MSI2: variants seen among roughly 807,000 people sequenced by gnomAD.
MSI2 encodes musashi RNA binding protein 2, also known as RNA-binding protein Musashi homolog 2.
MSI2 carries 17 observed loss-of-function variants against 45.6 expected under a neutral mutation model. The observed-to-expected ratio is 0.37, with a 90% confidence interval of 0.26 to 0.56. The LOEUF (loss-of-function observed/expected upper bound fraction) is 0.56. Ranked by LOEUF, MSI2 falls within the 20% of genes least tolerant of loss-of-function variation. MSI2 has a pLI of 0.77. For synonymous variants in MSI2, 156 were observed against 158.2 expected, an observed-to-expected ratio of 0.99 and a Z score of 0.11; for missense variants, 293 against 444.2, an observed-to-expected ratio of 0.66 and a Z score of 3.06.
chr17:57,672,188 G>A (rs1013645743), intron 11 of MSI2, among the ~76,000 whole-genome samples: 1 of 152,316 alleles, frequency 6.6e-6, no homozygotes, highest in South Asian at 2.1e-4. Flanking sequence ...GTAATAAAAC[G>A]GGACTTGGGA....
intron 10 of MSI2, among the ~76,000 whole-genome samples, chr17:57,645,569 G>A (rs1370365555): frequency 6.6e-6 from 1 of 151,536 alleles, no homozygotes; most frequent in Non-Finnish European, 1.5e-5. Flanking sequence ...CTGAGCAGCT[G>A]GGATTAAAGG....
the MSI2 span, among the ~76,000 whole-genome samples, chr17:57,699,040 AGAGAGT>A: frequency 1.3e-3 from 40 of 31,368 alleles, 10 homozygotes; most frequent in African/African-American, 0.011. Context: ...AGAGAGAGAG[AGAGAGT>A]GTGTGTGTGT....
At chr17:57,604,539 C>G (rs1906309079) in intron 8 of MSI2, among the ~76,000 whole-genome samples, 1 of 152,048 alleles carries the variant, frequency 6.6e-6, no homozygotes, top group East Asian at 1.9e-4. Context: ...CAGGAGGAAC[C>G]AAGAGATGTG....
chr17:57,676,375 G>A (rs947060642), intron 12 of MSI2, among the ~76,000 whole-genome samples: 1 of 152,236 alleles, frequency 6.6e-6, no homozygotes, highest in Non-Finnish European at 1.5e-5. Flanking sequence ...ACTTAAGTCA[G>A]TAGTCTGATG....
chr17:57,450,298 A>AGAAAGAAAGAAAGAAAGAAAGAAG (rs2084986994), intron 6 of MSI2: 3 of 135,266 alleles, frequency 2.2e-5, no homozygotes. Flanking sequence ...AAAGAAAGAA[A>AGAAAGAAAGAAAGAAAGAAAGAAG]GAAAGAAAGA....
intron 6 of MSI2, among the ~76,000 whole-genome samples, chr17:57,427,278 A>T (rs2084510640): frequency 6.6e-6 from 1 of 152,126 alleles, no homozygotes; most frequent in Non-Finnish European, 1.5e-5. Flanking sequence ...CATGCCTGTA[A>T]TCCCAGCTAC....
At chr17:57,526,406 T>A (rs62058098) in intron 6 of MSI2, among the ~76,000 whole-genome samples, 1 of 120,906 alleles carries the variant, frequency 8.3e-6, no homozygotes, top group Non-Finnish European at 1.7e-5. Flanking sequence ...TGTGTGTGTG[T>A]GTGACAGAGA....
chr17:57,313,726 A>G (rs897285500), intron 5 of MSI2, among the ~76,000 whole-genome samples: 1 of 152,196 alleles, frequency 6.6e-6, no homozygotes, highest in East Asian at 1.9e-4. Flanking sequence ...CATGTTTATC[A>G]ACGCCTTCTG....
intron 6 of MSI2, among the ~76,000 whole-genome samples, chr17:57,502,597 TC>T (rs2086131187): frequency 2.0e-5 from 1 of 50,786 alleles, no homozygotes; most frequent in South Asian, 7.8e-4. Flanking sequence ...AGAAGATGAC[TC>T]TGAGATATAT....
intron 6 of MSI2, among the ~76,000 whole-genome samples, chr17:57,493,764 A>G (rs559113032): frequency 1.3e-5 from 2 of 152,090 alleles, no homozygotes; most frequent in East Asian, 3.9e-4. Context: ...CCCAAACCAC[A>G]GTAGGAGGTA....
chr17:57,638,884 A>C (rs1211035731), intron 10 of MSI2, among the ~76,000 whole-genome samples: 1 of 152,210 alleles, frequency 6.6e-6, no homozygotes, highest in Non-Finnish European at 1.5e-5. Flanking sequence ...CCTGGGTGAC[A>C]GAATGAGACC....
At chr17:57,618,500 A>C (rs1448528102) in intron 9 of MSI2, 3 of 152,296 alleles carry the variant, frequency 2.0e-5, no homozygotes, top group African/African-American at 7.2e-5. Context: ...GCCTGAGCCC[A>C]GGAATTCAAG....
intron 6 of MSI2, among the ~76,000 whole-genome samples, chr17:57,455,323 A>G (rs1354697555): frequency 6.6e-6 from 1 of 152,252 alleles, no homozygotes; most frequent in Non-Finnish European, 1.5e-5. Context: ...CTGTGGTCAC[A>G]GTCGGACCAC....
intron 5 of MSI2, among the ~76,000 whole-genome samples, chr17:57,377,238 C>T (rs1346027207): frequency 6.6e-6 from 1 of 152,134 alleles, no homozygotes; most frequent in Non-Finnish European, 1.5e-5. Context: ...CTTTTTTAAC[C>T]TACTTGGGAT....
At chr17:57,499,524 T>A (rs1229746492) in intron 6 of MSI2, among the ~76,000 whole-genome samples, 1 of 152,226 alleles carries the variant, frequency 6.6e-6, no homozygotes, top group East Asian at 1.9e-4. Context: ...TTTGGAGTTC[T>A]TAATATTTAC....
chr17:57,410,120 G>C (rs1293825344), intron 6 of MSI2, among the ~76,000 whole-genome samples: 2 of 151,958 alleles, frequency 1.3e-5, no homozygotes, highest in Non-Finnish European at 2.9e-5. Flanking sequence ...CAGGTAGGGT[G>C]ACTGGTTGTC....
intron 5 of MSI2, among the ~76,000 whole-genome samples, chr17:57,389,427 T>C (rs1025941277): frequency 6.6e-6 from 1 of 152,228 alleles, no homozygotes; most frequent in Non-Finnish European, 1.5e-5. Flanking sequence ...ACAGTCCTTC[T>C]GCCAGACAGG....
intron 6 of MSI2, among the ~76,000 whole-genome samples, chr17:57,490,015 G>C (rs1295615508): frequency 6.6e-6 from 1 of 152,104 alleles, no homozygotes; most frequent in Non-Finnish European, 1.5e-5. Flanking sequence ...ATTCTCATAG[G>C]AGACTGAAAA....
chr17:57,697,337 C>T, the MSI2 span, among the ~76,000 whole-genome samples: 6 of 152,048 alleles, frequency 3.9e-5, no homozygotes, highest in East Asian at 1.2e-3. Flanking sequence ...CACACTCAGC[C>T]CTCTCACTCA....
Sources: gnomAD v4.1 joint callset for allele counts (sites outside exome capture counted in the v4.1 genomes callset) on GRCh38, gnomAD v4.1.1 for gene constraint, MANE v1.5 for transcripts, NCBI Gene and HGNC (gene_info 2026-07-23, HGNC 2026-07-21) for gene names.